The following CRYBG1 variants were observed in gnomAD, a reference collection of about 807,000 sequenced individuals.
The protein encoded by CRYBG1 is crystallin beta-gamma domain containing 1.
Under a neutral mutation model 189.2 loss-of-function variants are expected in CRYBG1, and 139 were observed. The observed-to-expected ratio is 0.73, with a 90% CI of 0.64 to 0.85. The LOEUF (loss-of-function observed/expected upper bound fraction) is 0.85. CRYBG1 is among the 40% of genes least tolerant of loss of function. The pLI is 0.00. For synonymous variants in CRYBG1, 1,023 were observed against 1,017.1 expected, an observed-to-expected ratio of 1.01 and a Z score of -0.11; for missense variants, 2,611 against 2,675.8, an observed-to-expected ratio of 0.98 and a Z score of 0.53.
chr6:106,511,331 T>G, intron 2 of CRYBG1, 99 bp from the exon 3 acceptor site: 1 of 1,039,902 alleles, frequency 9.6e-7, no homozygotes. Flanking sequence ...TTAGAAACTC[T>G]GGTCTGTTAT....
intron 1 of CRYBG1, among the ~76,000 whole-genome samples, chr6:106,363,009 G>T (rs1337243599): frequency 6.6e-6 from 1 of 151,906 alleles, no homozygotes; most frequent in African/African-American, 2.4e-5. Context: ...ACTTTGGGAG[G>T]CCGAGACGGG....
At chr6:106,391,266 G>C (rs1416762489) in intron 1 of CRYBG1, among the ~76,000 whole-genome samples, 3 of 152,130 alleles carry the variant, frequency 2.0e-5, no homozygotes, top group Non-Finnish European at 4.4e-5. Context: ...TATTTTAGTA[G>C]AGATGGGGTT....
chr6:106,532,152 A>G (rs557281244), intron 8 of CRYBG1, among the ~76,000 whole-genome samples: 154 of 152,284 alleles, frequency 1.0e-3, no homozygotes, highest in African/African-American at 3.6e-3. Flanking sequence ...AACACGTATT[A>G]TTTCTTTGTG....
intron 8 of CRYBG1, among the ~76,000 whole-genome samples, chr6:106,537,456 A>T (rs1368566097): frequency 6.6e-6 from 1 of 152,200 alleles, no homozygotes; most frequent in Admixed American, 6.5e-5. Context: ...CATGTAACGT[A>T]TCCTTGGCTG....
intron 21 of CRYBG1, among the ~76,000 whole-genome samples, chr6:106,566,834 G>C (rs1443935838): frequency 8.6e-5 from 13 of 152,032 alleles, no homozygotes; most frequent in Admixed American, 8.5e-4. Context: ...TGAACCATTT[G>C]TTATCTATTA....
At position 106,512,692 on chromosome 6, in the gene CRYBG1, G is replaced by A. The variant is rs1485425186; in HGVS notation, c.1575G>A (p.Val525=). 6.5e-7 allele frequency: 1 copy of A among 1,529,534 alleles called. No individual in the cohort carries two copies. The highest frequency in any genetic ancestry group is 8.8e-7 in the Non-Finnish European group (1 of 1,137,820). The allele number at this position is 1,529,534 out of a possible 1,614,324, so 94.7% of individuals were successfully genotyped here. Residue 525 remains valine (V), a synonymous_variant, in exon 3 of 22, where the codon GTG becomes GTA. Transcript: ENST00000633556. ...RKGRSRALEA[V]PAPPASGPRA... is the part of the protein sequence containing the mutation. ...GCAGGAGCCGTGCCCTCGAGGCCGT[G>A]CCCGCCCCGCCCGCCAGCGGCCCCC... is the stretch of plus-strand genomic sequence containing the variant.
chr6:106,563,988 TCTATTCATAA>T, intron 21 of CRYBG1, 62 bp downstream of exon 21: 1 of 1,498,956 alleles, frequency 6.7e-7, no homozygotes, highest in South Asian at 1.2e-5. Flanking sequence ...TAAGGAAAAA[TCTATTCATAA>T]CTTTTGAAAA....
chr6:106,541,281 G>T (rs1205402286), intron 9 of CRYBG1: 2 of 533,144 alleles, frequency 3.8e-6, no homozygotes, highest in Non-Finnish European at 7.5e-6. Context: ...TCTTGGAACT[G>T]CTTTTTCAAG....
intron 2 of CRYBG1, among the ~76,000 whole-genome samples, chr6:106,488,398 GCAGGGC>G (rs941318565): frequency 6.6e-6 from 1 of 152,194 alleles, no homozygotes; most frequent in Non-Finnish European, 1.5e-5. Context: ...TTCCTGTGGT[GCAGGGC>G]CATCTCCAAG....
intron 1 of CRYBG1, among the ~76,000 whole-genome samples, chr6:106,380,436 A>T (rs1427903571): frequency 6.6e-6 from 1 of 152,156 alleles, no homozygotes; most frequent in Non-Finnish European, 1.5e-5. Flanking sequence ...GGTGGGTCAG[A>T]GGGCTGATGG....
In CRYBG1 at chr6:106,558,854, G is replaced by A. The variant is rs573456892; in HGVS notation, c.5855+229G>A. Reference sequence around the variant, plus strand: ...GGCACATGCCTGTGGCCCCAGCTACGTAGGAGGCTGAGGCCGAAGGATCAC... The same window carrying A: ...GGCACATGCCTGTGGCCCCAGCTACATAGGAGGCTGAGGCCGAAGGATCAC... On this transcript the variant is annotated intron_variant, in intron 18 of 21. Transcript: ENST00000633556. Among the ~76,000 whole-genome samples the A allele has an allele frequency of 1.3e-4, 20 of 152,144 alleles. No homozygotes were observed. In the South Asian group the frequency reaches 2.9e-3, roughly 22 times the overall value.
At chr6:106,422,616 T>A (rs1215464432) in intron 1 of CRYBG1, among the ~76,000 whole-genome samples, 1 of 152,114 alleles carries the variant, frequency 6.6e-6, no homozygotes, top group African/African-American at 2.4e-5. Flanking sequence ...ATTATAGGTG[T>A]GGGCCACCCC....
chr6:106,434,193 A>G (rs1257716726), intron 1 of CRYBG1, among the ~76,000 whole-genome samples: 1 of 152,084 alleles, frequency 6.6e-6, no homozygotes, highest in African/African-American at 2.4e-5. Context: ...AGAGAGAGAA[A>G]GAAAGAGAGA....
rs1297600462 is a variant in CRYBG1, at chr6:106,493,140, C to CT, written c.313-18284dup. 3.9e-5 allele frequency among the ~76,000 whole-genome samples: 6 copies of CT among 152,210 alleles called. No homozygotes were observed. In the South Asian group the frequency reaches 1.0e-3, roughly 26 times the overall value. Reference sequence around the variant, plus strand: ...TTTTTGTAAAATTAGATATCACTATCTTTTTTGTATAACCCTTCTGAAAAA... The same window carrying CT: ...TTTTTGTAAAATTAGATATCACTATCTTTTTTTGTATAACCCTTCTGAAAAA... On this transcript the variant is annotated intron_variant, in intron 2 of 21. Coordinates refer to ENST00000633556, the MANE Select transcript of CRYBG1 (RefSeq NM_001371242.2).
intron 8 of CRYBG1, among the ~76,000 whole-genome samples, chr6:106,535,535 CATT>C (rs1375001611): frequency 6.6e-6 from 1 of 152,180 alleles, no homozygotes; most frequent in Admixed American, 6.5e-5. Context: ...GCATAAGTAT[CATT>C]ATTACACTTG....
chr6:106,494,811 T>C (rs9486371), intron 2 of CRYBG1, among the ~76,000 whole-genome samples: 7,526 of 152,250 alleles, frequency 0.049, 635 homozygotes, highest in African/African-American at 0.17. Context: ...ACATGGGATG[T>C]AGTTTGTAGT....
At chr6:106,542,052 T>G (rs1247393410) in intron 10 of CRYBG1, among the ~76,000 whole-genome samples, 1 of 152,018 alleles carries the variant, frequency 6.6e-6, no homozygotes, top group Non-Finnish European at 1.5e-5. Context: ...TTTTCAATTT[T>G]CAATTTTAAC....
At chr6:106,503,798 G>A (rs541522302) in intron 2 of CRYBG1, among the ~76,000 whole-genome samples, 8 of 152,158 alleles carry the variant, frequency 5.3e-5, no homozygotes, top group South Asian at 2.1e-4. Flanking sequence ...ATACCAACCC[G>A]AAACTGGGAG....
intron 1 of CRYBG1, among the ~76,000 whole-genome samples, chr6:106,384,336 G>A (rs144452721): frequency 9.9e-5 from 15 of 152,246 alleles, no homozygotes; most frequent in African/African-American, 3.6e-4. Context: ...GGGGGAAGAC[G>A]GGGACGGGGA....
Sources: gnomAD v4.1 joint callset for allele counts (sites outside exome capture counted in the v4.1 genomes callset) on GRCh38, gnomAD v4.1.1 for gene constraint, MANE v1.5 for transcripts, NCBI Gene and HGNC (gene_info 2026-07-23, HGNC 2026-07-21) for gene names.